LARGE1: variants seen among roughly 807,000 people sequenced by gnomAD.
LARGE1 encodes xylosyl- and glucuronyltransferase LARGE1.
In LARGE1, 43 loss-of-function variants were observed where a neutral mutation model predicts 87.6. The observed-to-expected ratio is 0.49, with a 90% CI of 0.38 to 0.63. The LOEUF is 0.63. Ranked by LOEUF, LARGE1 falls within the 30% of genes least tolerant of loss-of-function variation. The pLI is 0.00. For missense variants in LARGE1, 802 were observed against 1,000.2 expected (o/e 0.80, Z 2.67); for synonymous variants, 434 against 394.6 (o/e 1.10, Z -1.18).
intron 1 of LARGE1, among the ~76,000 whole-genome samples, chr22:33,789,907 G>T (rs1041464134): frequency 6.6e-5 from 10 of 152,196 alleles, no homozygotes; most frequent in Admixed American, 5.9e-4. Context: ...TGAGACTTTG[G>T]ACTGTGGACT....
intron 1 of LARGE1, among the ~76,000 whole-genome samples, chr22:33,834,099 C>T (rs1441408022): frequency 1.3e-5 from 2 of 152,118 alleles, no homozygotes; most frequent in African/African-American, 4.8e-5. Context: ...AAGCCTGACT[C>T]CTTCTATCAC....
intron 2 of LARGE1, among the ~76,000 whole-genome samples, chr22:33,721,805 C>A (rs1234497433): frequency 6.6e-6 from 1 of 152,220 alleles, no homozygotes; most frequent in Non-Finnish European, 1.5e-5. Context: ...TGAGTGGTAT[C>A]TTTTTCCTTG....
At chr22:33,567,594 CATG>C (rs918215353) in intron 5 of LARGE1, among the ~76,000 whole-genome samples, 2 of 152,046 alleles carry the variant, frequency 1.3e-5, no homozygotes, top group Admixed American at 6.5e-5. Flanking sequence ...TTATAAAGGT[CATG>C]ATTTCTTTTT....
chr22:33,651,715 T>C (rs2080824135), intron 2 of LARGE1, among the ~76,000 whole-genome samples: 1 of 152,192 alleles, frequency 6.6e-6, no homozygotes, highest in Non-Finnish European at 1.5e-5. Context: ...TGAGAAATGC[T>C]GGAAGACTGG....
intron 1 of LARGE1, among the ~76,000 whole-genome samples, chr22:33,770,263 T>C (rs1371847406): frequency 6.6e-6 from 1 of 152,250 alleles, no homozygotes; most frequent in Non-Finnish European, 1.5e-5. Flanking sequence ...TGTTTGAAGA[T>C]ACTAAAATAA....
At chr22:33,884,339 T>C (rs2064784247) in intron 1 of LARGE1, among the ~76,000 whole-genome samples, 1 of 152,248 alleles carries the variant, frequency 6.6e-6, no homozygotes, top group Non-Finnish European at 1.5e-5. Flanking sequence ...GTTGACCCTC[T>C]TTCCTCTGAT....
intron 10 of LARGE1, among the ~76,000 whole-genome samples, chr22:33,321,793 T>TGG (rs1936739884): frequency 6.6e-6 from 1 of 152,134 alleles, no homozygotes; most frequent in African/African-American, 2.4e-5. Context: ...CATGCATGTA[T>TGG]GGGGGTTTCT....
At chr22:33,401,098 C>T (rs1345431309) in intron 7 of LARGE1, among the ~76,000 whole-genome samples, 1 of 152,090 alleles carries the variant, frequency 6.6e-6, no homozygotes, top group Admixed American at 6.6e-5. Flanking sequence ...GGGCAACGTT[C>T]CCAGCAATGG....
chr22:33,431,507 G>T (rs2067080397), intron 7 of LARGE1, among the ~76,000 whole-genome samples: 1 of 152,014 alleles, frequency 6.6e-6, no homozygotes, highest in Non-Finnish European at 1.5e-5. Context: ...AGGCACATGT[G>T]GTCCTCAAAA....
At chr22:33,402,697 C>G (rs2065963846) in intron 7 of LARGE1, among the ~76,000 whole-genome samples, 1 of 152,126 alleles carries the variant, frequency 6.6e-6, no homozygotes, top group South Asian at 2.1e-4. Flanking sequence ...ACACGTTAGT[C>G]TTAATTAAAT....
intron 6 of LARGE1, among the ~76,000 whole-genome samples, chr22:33,533,531 T>G (rs143379298): frequency 2.2e-4 from 33 of 152,320 alleles, no homozygotes; most frequent in African/African-American, 7.7e-4. Flanking sequence ...CAGGGCTCCC[T>G]CAGCCTTAGT....
chr22:33,359,225 T>A (rs1164138629), intron 9 of LARGE1, among the ~76,000 whole-genome samples: 1 of 152,124 alleles, frequency 6.6e-6, no homozygotes, highest in Admixed American at 6.5e-5. Flanking sequence ...CATTGCTGTA[T>A]CAGAGGAAAA....
At chr22:33,821,485 C>A (rs528841205) in intron 1 of LARGE1, among the ~76,000 whole-genome samples, 2 of 152,174 alleles carry the variant, frequency 1.3e-5, no homozygotes, top group African/African-American at 4.8e-5. Context: ...ATATAAACCA[C>A]GTCTGACAAA....
intron 10 of LARGE1, among the ~76,000 whole-genome samples, chr22:33,322,304 A>G (rs1936815819): frequency 6.6e-6 from 1 of 152,142 alleles, no homozygotes; most frequent in African/African-American, 2.4e-5. Flanking sequence ...TCTATATCCA[A>G]TGTTAACAAA....
chr22:33,629,288 G>T lies in LARGE1; in HGVS notation c.409-2962C>A, dbSNP rs1220091577. Among the ~76,000 whole-genome samples the T allele has an allele frequency of 2.6e-5, 4 of 152,156 alleles. No individual in the cohort carries two copies. In the East Asian group the frequency reaches 7.7e-4, roughly 29 times the overall value. On this transcript the variant is annotated intron_variant, in intron 3 of 14. Coordinates refer to ENST00000397394, the MANE Select transcript of LARGE1 (RefSeq NM_133642.5). ...AATGGGGAAAAACACGCTGAATCAGGCTCTTCAGAATCGCAAATATTTAAA... is the reference window on the plus strand; with the variant it reads ...AATGGGGAAAAACACGCTGAATCAGTCTCTTCAGAATCGCAAATATTTAAA...
At chr22:33,319,568 G>T (rs779736604) in intron 10 of LARGE1, among the ~76,000 whole-genome samples, 1 of 152,086 alleles carries the variant, frequency 6.6e-6, no homozygotes, top group African/African-American at 2.4e-5. Flanking sequence ...GCTAATTTCT[G>T]TATTTTTAAT....
chr22:33,337,467 A>C (rs566089151), intron 10 of LARGE1, among the ~76,000 whole-genome samples, 179 bp downstream of exon 10: 1 of 152,250 alleles, frequency 6.6e-6, no homozygotes, highest in South Asian at 2.1e-4. Context: ...AATGATGAGC[A>C]TGCAAAGGAC....
intron 6 of LARGE1, among the ~76,000 whole-genome samples, chr22:33,447,290 T>C (rs1356457028): frequency 6.6e-6 from 1 of 152,250 alleles, no homozygotes; most frequent in African/African-American, 2.4e-5. Flanking sequence ...CTTTTCATTC[T>C]TTCTTTTAGA....
intron 6 of LARGE1, among the ~76,000 whole-genome samples, chr22:33,505,984 T>C (rs1290255832): frequency 6.6e-6 from 1 of 152,092 alleles, no homozygotes; most frequent in Admixed American, 6.6e-5. Context: ...TCCTGAAGCA[T>C]AGTAGGTGCC....
Sources: gnomAD v4.1 joint callset for allele counts (sites outside exome capture counted in the v4.1 genomes callset) on GRCh38, gnomAD v4.1.1 for gene constraint, MANE v1.5 for transcripts, NCBI Gene and HGNC (gene_info 2026-07-23, HGNC 2026-07-21) for gene names.